SGK3: variants seen among roughly 807,000 people sequenced by gnomAD.
SGK3 encodes serine/threonine-protein kinase Sgk3.
In SGK3, 47 loss-of-function variants were observed where a neutral mutation model predicts 68.5. That is an observed-to-expected ratio of 0.69 (90% CI 0.54 to 0.87). SGK3 has a LOEUF of 0.87. Among genes scored for constraint, SGK3 ranks in the 40% least tolerant of loss-of-function variants. The pLI is 0.00. For synonymous variants in SGK3, 181 were observed against 189.1 expected (o/e 0.96, Z 0.35); for missense variants, 479 against 575.5 (o/e 0.83, Z 1.72).
At chr8:66,859,129 G>A (rs955444716) in intron 16 of SGK3, among the ~76,000 whole-genome samples, 1 of 152,030 alleles carries the variant, frequency 6.6e-6, no homozygotes, top group South Asian at 2.1e-4. Flanking sequence ...TCAGGAGTTC[G>A]AGACCAGCCT....
At chr8:66,834,175 C>G (rs1172010875) in intron 8 of SGK3, among the ~76,000 whole-genome samples, 1 of 151,848 alleles carries the variant, frequency 6.6e-6, no homozygotes, top group Non-Finnish European at 1.5e-5. Flanking sequence ...AATCTATCAG[C>G]AAGAGAGTAG....
At chr8:66,769,092 G>A (rs1261339939) in intron 1 of SGK3, among the ~76,000 whole-genome samples, 1 of 152,090 alleles carries the variant, frequency 6.6e-6, no homozygotes, top group Non-Finnish European at 1.5e-5. Flanking sequence ...TTGGGAATAT[G>A]TCAGCCATGA....
intron 4 of SGK3, among the ~76,000 whole-genome samples, chr8:66,806,122 T>C (rs1808150564): frequency 6.6e-6 from 1 of 152,230 alleles, no homozygotes; most frequent in South Asian, 2.1e-4. Flanking sequence ...CTTTACACTT[T>C]ATGAACCTCT....
chr8:66,799,866 C>A (rs928861138), intron 3 of SGK3, among the ~76,000 whole-genome samples: 1 of 152,082 alleles, frequency 6.6e-6, no homozygotes, highest in Admixed American at 6.6e-5. Context: ...TCATGTGATC[C>A]GCCCACCTCG....
rs769637359 is a variant in SGK3 at position 66,861,830 on chromosome 8, C to G, written c.*2249C>G. The G allele has an allele frequency of 1.3e-5, 2 of 152,180 alleles. No homozygotes were observed. The highest frequency in any genetic ancestry group is 1.5e-5 in the Non-Finnish European group (1 of 68,000). 9.4% of individuals were successfully genotyped at this position (152,180 alleles called of 1,614,324 possible). On this transcript the variant is annotated 3_prime_UTR_variant, in exon 17 of 17. Transcript: ENST00000521198. The stretch of plus-strand genomic sequence containing the variant: ...TGTAAGTTTTGTTTTTCACAAAGCT[C>G]TTATTATGAAGCAAAATAAAAATTC...
At chr8:66,723,840 T>A (rs1244529252) in intron 1 of SGK3, among the ~76,000 whole-genome samples, 3 of 152,214 alleles carry the variant, frequency 2.0e-5, no homozygotes, top group African/African-American at 7.2e-5. Context: ...CACAAGTACC[T>A]TTCTCTCATT....
chr8:66,744,497 A>G (rs1163591050), intron 1 of SGK3, among the ~76,000 whole-genome samples: 45 of 19,054 alleles, frequency 2.4e-3, no homozygotes, highest in African/African-American at 7.4e-3. Context: ...ATATATATAT[A>G]TATATATATA....
chr8:66,830,324 A>G (rs1288559970), intron 7 of SGK3, among the ~76,000 whole-genome samples: 1 of 152,312 alleles, frequency 6.6e-6, no homozygotes, highest in East Asian at 1.9e-4. Context: ...AAAGAAGAAA[A>G]TAGTTCAAAG....
At chr8:66,717,236 A>C (rs576672878) in intron 1 of SGK3, among the ~76,000 whole-genome samples, 330 of 116,088 alleles carry the variant, frequency 2.8e-3, no homozygotes, top group Non-Finnish European at 3.2e-3. Flanking sequence ...AACAAAAAAA[A>C]CAAAAAAAAA....
chr8:66,820,844 C>T (rs1485926982), intron 5 of SGK3, among the ~76,000 whole-genome samples: 1 of 152,130 alleles, frequency 6.6e-6, no homozygotes, highest in Admixed American at 6.6e-5. Flanking sequence ...GCTAGGATGA[C>T]AGGTGCACAC....
At chr8:66,750,554 G>A (rs909348245) in intron 1 of SGK3, among the ~76,000 whole-genome samples, 3 of 151,980 alleles carry the variant, frequency 2.0e-5, no homozygotes, top group South Asian at 4.1e-4. Context: ...CAGGCATGGT[G>A]GCACGTGCCT....
intron 1 of SGK3, among the ~76,000 whole-genome samples, chr8:66,738,243 T>C (rs1256152297): frequency 6.6e-6 from 1 of 152,170 alleles, no homozygotes; most frequent in African/African-American, 2.4e-5. Flanking sequence ...GTCTATCCCA[T>C]CTGTACCATT....
At chr8:66,839,666 T>C (rs939144323) in intron 10 of SGK3, 4 of 185,924 alleles carry the variant, frequency 2.2e-5, no homozygotes, top group African/African-American at 9.5e-5. Context: ...GTAAGATAAT[T>C]ACATGGCAGT....
At chr8:66,779,563 T>TATAG (rs1554598045) in intron 1 of SGK3, among the ~76,000 whole-genome samples, 82 of 27,422 alleles carry the variant, frequency 3.0e-3, no homozygotes, top group Middle Eastern at 0.017. Context: ...TGTGTGTGAA[T>TATAG]ATATATATAT....
At chr8:66,847,629 T>G (rs1474142724) in intron 15 of SGK3, among the ~76,000 whole-genome samples, 1 of 152,144 alleles carries the variant, frequency 6.6e-6, no homozygotes, top group Non-Finnish European at 1.5e-5. Context: ...CCCCTCCCCT[T>G]CTTTTTAAAA....
intron 16 of SGK3, among the ~76,000 whole-genome samples, chr8:66,855,395 G>T (rs907437484): frequency 6.6e-6 from 1 of 152,064 alleles, no homozygotes; most frequent in African/African-American, 2.4e-5. Context: ...TAGAGATGGG[G>T]TTTCACCATG....
intron 1 of SGK3, among the ~76,000 whole-genome samples, chr8:66,738,614 T>C (rs1016197804): frequency 6.6e-6 from 1 of 151,286 alleles, no homozygotes; most frequent in African/African-American, 2.5e-5. Flanking sequence ...TAGGCAGAAC[T>C]GGCTCAAGAT....
chr8:66,833,922 G>A (rs531128108), intron 8 of SGK3, among the ~76,000 whole-genome samples: 7 of 151,834 alleles, frequency 4.6e-5, no homozygotes, highest in African/African-American at 7.2e-5. Context: ...AACTCCCGAC[G>A]TCAGATGATC....
chr8:66,828,144 AAG>A (rs1251075899), intron 6 of SGK3, among the ~76,000 whole-genome samples: 2 of 151,990 alleles, frequency 1.3e-5, no homozygotes, highest in African/African-American at 4.8e-5. Context: ...AAAAGAAAGA[AAG>A]AAAAGAAAAA....
Sources: gnomAD v4.1 joint callset for allele counts (sites outside exome capture counted in the v4.1 genomes callset) on GRCh38, gnomAD v4.1.1 for gene constraint, MANE v1.5 for transcripts, NCBI Gene and HGNC (gene_info 2026-07-23, HGNC 2026-07-21) for gene names.